SLC25A25: variants seen among roughly 807,000 people sequenced by gnomAD.
SLC25A25 encodes the protein solute carrier family 25 member 25, also known as mitochondrial adenyl nucleotide antiporter SLC25A25.
SLC25A25 carries 32 observed loss-of-function variants against 57.7 expected under a neutral mutation model. The observed-to-expected ratio is 0.55, with a 90% CI of 0.42 to 0.74. The LOEUF (loss-of-function observed/expected upper bound fraction) is 0.74. SLC25A25 is among the 30% of genes least tolerant of loss of function. The pLI is 0.00. For missense variants in SLC25A25, 556 were observed against 701.3 expected (o/e 0.79, Z 2.34); for synonymous variants, 306 against 291.2 (o/e 1.05, Z -0.52).
At position 128,099,818 on chromosome 9, in the gene SLC25A25, G is replaced by A. The variant is rs1021983743; in HGVS notation, c.262-1278G>A. Among the ~76,000 whole-genome samples the A allele has an allele frequency of 1.3e-5, 2 of 152,136 alleles. No homozygotes were observed. Among genetic ancestry groups the A allele is most frequent in the Non-Finnish European group, 2.9e-5 (2 of 68,036 alleles). ...GGCGCGGTGGTGATCCTTTGAGGACGCGAGCTAGCCAGTGGGCCATCCATT... is the reference window on the plus strand; with the variant it reads ...GGCGCGGTGGTGATCCTTTGAGGACACGAGCTAGCCAGTGGGCCATCCATT... On this transcript the variant is annotated intron_variant, in intron 1 of 10. Transcript: ENST00000373069. The surrounding 1 kb of genome is among the most constrained non-coding windows in gnomAD (Gnocchi z 6.8).
intron 1 of SLC25A25, among the ~76,000 whole-genome samples, chr9:128,090,207 G>GT (rs927694922): frequency 8.6e-5 from 13 of 150,772 alleles, no homozygotes; most frequent in African/African-American, 1.2e-4. Flanking sequence ...TAACAAGTTG[G>GT]TTTTTTTTTG....
chr9:128,101,691 T>G lies in SLC25A25; in HGVS notation c.476+295T>G. On this transcript the variant is annotated intron_variant, in intron 3 of 10. Coordinates refer to ENST00000373069, the MANE Select transcript of SLC25A25 (RefSeq NM_001330988.2). This position sits in a 1 kb window ranked among gnomAD's most constrained non-coding sequence, Gnocchi z 4.9. ...AAGGCCAGCAAGGAGCACCTGTGCG[T>G]GTGGAGGGGGCGGGGCGGGGCGGGG... Among the ~76,000 whole-genome samples, 1 of 107,682 alleles carries G rather than the reference T, an allele frequency of 9.3e-6. No individual in the cohort carries two copies. 70.6% of individuals were successfully genotyped at this position (107,682 alleles called of 152,430 possible). A position where few individuals can be genotyped will look rare whatever the true frequency, so the allele number is the denominator to read the frequency against.
intron 1 of SLC25A25, chr9:128,092,231 C>A: frequency 9.2e-7 from 1 of 1,088,516 alleles, no homozygotes; most frequent in Non-Finnish European, 1.3e-6. Flanking sequence ...AATGAGGAAG[C>A]CCACAAATGC....
chr9:128,080,623 C>T (rs933825166), intron 1 of SLC25A25, among the ~76,000 whole-genome samples: 2 of 151,824 alleles, frequency 1.3e-5, no homozygotes, highest in Non-Finnish European at 2.9e-5. Flanking sequence ...TGAGGTTTCA[C>T]CATGCTGGCC....
At chr9:128,084,619 A>G (rs955715662) in intron 1 of SLC25A25, among the ~76,000 whole-genome samples, 13 of 152,076 alleles carry the variant, frequency 8.5e-5, no homozygotes, top group Admixed American at 2.0e-4. Flanking sequence ...CCTTACATGT[A>G]TTGACTGATG....
At chr9:128,100,486 G>A (rs569979575) in intron 1 of SLC25A25, among the ~76,000 whole-genome samples, 57 of 152,352 alleles carry the variant, frequency 3.7e-4, no homozygotes, top group African/African-American at 1.3e-3. Flanking sequence ...GGGACTGGCA[G>A]TACCATCATA....
At chr9:128,104,010 T>C (rs949385617) in intron 6 of SLC25A25, among the ~76,000 whole-genome samples, 171 bp downstream of exon 6, 3 of 152,180 alleles carry the variant, frequency 2.0e-5, no homozygotes, top group Non-Finnish European at 2.9e-5. Context: ...AATGTCACTG[T>C]AGGTGACATT....
Position 128,068,463 on chromosome 9 carries a change from G to T in SLC25A25, c.144G>T (p.Leu48=). The change falls in exon 1 of 11, where the codon CTG becomes CTT. Residue 48 remains leucine, a synonymous_variant. Transcript: ENST00000373069. ...GAICGGPDHR[L]RLWRLFQTLD... ...TCTGCGGGGGCCCGGACCACCGGCT[G>T]CGCCTGTGGAGACTCTTTCAGACGC... 1.9e-6 allele frequency: 3 copies of T among 1,555,642 alleles called. No individual in the cohort carries two copies. The highest frequency in any genetic ancestry group is 2.6e-6 in the Non-Finnish European group (3 of 1,161,586).
chr9:128,092,814 A>G (rs1833448402), intron 1 of SLC25A25, among the ~76,000 whole-genome samples: 2 of 152,182 alleles, frequency 1.3e-5, no homozygotes, highest in South Asian at 4.1e-4. Context: ...TTAAACAACT[A>G]AAGAGAGGTG....
intron 1 of SLC25A25, among the ~76,000 whole-genome samples, chr9:128,093,123 T>C (rs1833457348): frequency 6.6e-6 from 1 of 152,268 alleles, no homozygotes; most frequent in Non-Finnish European, 1.5e-5. Context: ...AAGCTCATTT[T>C]GCCTTTGCTA....
intron 1 of SLC25A25, chr9:128,098,465 G>C (rs1171479420): frequency 6.7e-7 from 1 of 1,493,866 alleles, no homozygotes; most frequent in Non-Finnish European, 8.9e-7. Flanking sequence ...GCCAATGACA[G>C]CTGAGGCCAG....
intron 1 of SLC25A25, among the ~76,000 whole-genome samples, chr9:128,085,944 G>A (rs1031871567): frequency 4.6e-5 from 7 of 151,592 alleles, no homozygotes; most frequent in Non-Finnish European, 7.4e-5. Flanking sequence ...GGCCTCAAGC[G>A]ATCCTCCCAC....
chr9:128,103,987 CA>C lies in SLC25A25; in HGVS notation c.783+149del, dbSNP rs1055118977. 6.3e-6 allele frequency: 5 copies of C among 795,540 alleles called. No individual in the cohort carries two copies. Among genetic ancestry groups the C allele is most frequent in the East Asian group, 5.7e-5 (2 of 34,902 alleles). 49.3% of individuals were successfully genotyped at this position (795,540 alleles called of 1,614,324 possible). A position where few individuals can be genotyped will look rare whatever the true frequency, so the allele number is the denominator to read the frequency against. ...AATTAGACTAGAATTATTGCTCAGA[CA>C]GGGGGTACCAAAATGTCACTGTAGG... On this transcript the variant is annotated intron_variant, in intron 6 of 10. Coordinates refer to ENST00000373069, the MANE Select transcript of SLC25A25 (RefSeq NM_001330988.2). The surrounding 1 kb of genome is among the most constrained non-coding windows in gnomAD (Gnocchi z 6.7).
chr9:128,093,442 A>G (rs1050521861), intron 1 of SLC25A25, among the ~76,000 whole-genome samples: 1 of 152,102 alleles, frequency 6.6e-6, no homozygotes, highest in Non-Finnish European at 1.5e-5. Flanking sequence ...TAACTGCTCT[A>G]TTTTTCAGCA....
At chr9:128,074,457 C>T (rs7852597) in intron 1 of SLC25A25, among the ~76,000 whole-genome samples, 36,158 of 151,708 alleles carry the variant, frequency 0.24, 5,504 homozygotes, top group African/African-American at 0.43. Flanking sequence ...GCCTGTAATC[C>T]CAGCACTTTG....
rs1833772280 is a variant in SLC25A25, at chr9:128,101,073, A to G, written c.262-23A>G. Reference sequence around the variant, plus strand: ...AAGGCTGGTCCAGGAGCCAAAAGACAAAATGTTACCTTTCTTTTCTAGAAA... The same window carrying G: ...AAGGCTGGTCCAGGAGCCAAAAGACGAAATGTTACCTTTCTTTTCTAGAAA... On this transcript the variant is annotated intron_variant, in intron 1 of 10. Coordinates refer to ENST00000373069, the MANE Select transcript of SLC25A25 (RefSeq NM_001330988.2). The surrounding 1 kb of genome is among the most constrained non-coding windows in gnomAD (Gnocchi z 4.9). 1.2e-6 allele frequency: 2 copies of G among 1,613,724 alleles called. No homozygotes were observed. The highest frequency in any genetic ancestry group is 1.7e-5 in the Admixed American group (1 of 59,950).
intron 1 of SLC25A25, among the ~76,000 whole-genome samples, chr9:128,076,091 C>T (rs1421675613): frequency 6.6e-6 from 1 of 151,932 alleles, no homozygotes; most frequent in Non-Finnish European, 1.5e-5. Context: ...GTGACACAGC[C>T]TCAGGGGTCT....
chr9:128,079,352 C>T (rs1043428772), intron 1 of SLC25A25, among the ~76,000 whole-genome samples: 2 of 149,396 alleles, frequency 1.3e-5, no homozygotes, highest in African/African-American at 5.0e-5. Context: ...AAACACAGAA[C>T]CGCCTACATT....
intron 1 of SLC25A25, chr9:128,098,685 T>A (rs754339466): frequency 1.9e-6 from 3 of 1,613,966 alleles, no homozygotes; most frequent in African/African-American, 1.3e-5. Context: ...AGTGTCTTCA[T>A]CCCCTCCCAG....
Sources: gnomAD v4.1 joint callset for allele counts (sites outside exome capture counted in the v4.1 genomes callset) on GRCh38, gnomAD v4.1.1 for gene constraint, Gnocchi (gnomAD v3.1) non-coding constraint, MANE v1.5 for transcripts, NCBI Gene and HGNC (gene_info 2026-07-23, HGNC 2026-07-21) for gene names.